WDR49: variants seen among roughly 807,000 people sequenced by gnomAD.
The protein encoded by WDR49 is cilia- and flagella-associated protein 337.
WDR49 carries 107 observed loss-of-function variants against 119.5 expected under a neutral mutation model. That is an observed-to-expected ratio of 0.90 (90% CI 0.77 to 1.05). WDR49 has a LOEUF of 1.05. Ranked by LOEUF, WDR49 falls within the 50% of genes least tolerant of loss-of-function variation. The pLI is 0.00. For synonymous variants in WDR49, 425 were observed against 418.8 expected, an observed-to-expected ratio of 1.01 and a Z score of -0.18; for missense variants, 1,240 against 1,220.5, an observed-to-expected ratio of 1.02 and a Z score of -0.24.
Position 167,597,844 on chromosome 3 carries a change from C to T in WDR49, c.1275+4283G>A, listed in dbSNP as rs78590591. 8.4e-3 allele frequency among the ~76,000 whole-genome samples: 1,281 copies of T among 152,262 alleles called. 18 individuals are homozygous for T. Among genetic ancestry groups the T allele is most frequent in the African/African-American group, 0.029 (1,222 of 41,544 alleles). On this transcript the variant is annotated intron_variant, in intron 7 of 18. Transcript: ENST00000682715. ...GGTAACATTTACTCAATGCCTGTAT[C>T]CCCACTGTATCTTGGAAATAACTAA...
chr3:167,622,885 G>A (rs1044083326), intron 3 of WDR49, among the ~76,000 whole-genome samples: 7 of 151,966 alleles, frequency 4.6e-5, no homozygotes, highest in South Asian at 2.1e-4. Context: ...AAACACAATG[G>A]AATGAAATTA....
At chr3:167,582,031 C>T (rs867902284) in intron 7 of WDR49, among the ~76,000 whole-genome samples, 1 of 142,340 alleles carries the variant, frequency 7.0e-6, no homozygotes, top group African/African-American at 2.6e-5. Flanking sequence ...GGCATGCTTC[C>T]GTGTGTGTGT....
intron 2 of WDR49, among the ~76,000 whole-genome samples, chr3:167,640,944 C>T (rs1336643005): frequency 6.6e-6 from 1 of 151,734 alleles, no homozygotes; most frequent in Non-Finnish European, 1.5e-5. Context: ...TTTCTCACTC[C>T]AACCCATACA....
Position 167,544,451 on chromosome 3 carries a change from A to G in WDR49, c.1824-7451T>C, listed in dbSNP as rs181506562. Among the ~76,000 whole-genome samples, 149 of 151,302 alleles carry G rather than the reference A, an allele frequency of 9.8e-4. 1 individual carries two copies. The highest frequency in any genetic ancestry group is 3.4e-3 in the African/African-American group (143 of 41,460). On this transcript the variant is annotated intron_variant, in intron 10 of 18. Transcript: ENST00000682715. ...TATAGTTACCAAAACAGGATGTTAC[A>G]TAGAGCAGTGGGACATAGACCGGTG...
At chr3:167,564,654 C>G (rs1713480360) in intron 8 of WDR49, among the ~76,000 whole-genome samples, 1 of 152,202 alleles carries the variant, frequency 6.6e-6, no homozygotes, top group South Asian at 2.1e-4. Flanking sequence ...AACAACCACA[C>G]TCCAGGACAC....
At chr3:167,496,128 G>A (rs1202069347) in intron 18 of WDR49, among the ~76,000 whole-genome samples, 1 of 152,064 alleles carries the variant, frequency 6.6e-6, no homozygotes, top group Non-Finnish European at 1.5e-5. Flanking sequence ...ACAAGAAAGA[G>A]CATTGTAACT....
chr3:167,484,274 G>A (rs913896416), intron 18 of WDR49, among the ~76,000 whole-genome samples: 10 of 151,966 alleles, frequency 6.6e-5, no homozygotes, highest in Admixed American at 1.3e-4. Context: ...CAGATAAAAG[G>A]CCTTAACACT....
chr3:167,543,079 C>T (rs1230285847), intron 10 of WDR49, among the ~76,000 whole-genome samples: 1 of 151,734 alleles, frequency 6.6e-6, no homozygotes, highest in Admixed American at 6.6e-5. Context: ...CACAATGCCC[C>T]TTGATTAAAT....
chr3:167,518,192 A>G (rs1266999925), intron 16 of WDR49, among the ~76,000 whole-genome samples: 4 of 151,828 alleles, frequency 2.6e-5, no homozygotes, highest in African/African-American at 9.7e-5. Context: ...CGCAATAAAC[A>G]TACGTGTGCA....
chr3:167,594,062 C>T (rs1438703126), intron 7 of WDR49, among the ~76,000 whole-genome samples: 1 of 152,096 alleles, frequency 6.6e-6, no homozygotes, highest in Non-Finnish European at 1.5e-5. Context: ...TATAAGTTAC[C>T]CAGTCTCAGG....
At chr3:167,631,116 G>C (rs796832859) in intron 2 of WDR49, among the ~76,000 whole-genome samples, 5 of 152,070 alleles carry the variant, frequency 3.3e-5, no homozygotes, top group African/African-American at 9.6e-5. Context: ...GGGCCTGTCA[G>C]GGGGTGGGGA....
At chr3:167,536,158 G>C (rs116343017) in intron 11 of WDR49, among the ~76,000 whole-genome samples, 2,642 of 152,080 alleles carry the variant, frequency 0.017, 77 homozygotes, top group African/African-American at 0.061. Context: ...GTGTTCTATT[G>C]CATAGTAGGA....
chr3:167,572,693 G>A (rs1057035928), intron 8 of WDR49, among the ~76,000 whole-genome samples: 1 of 152,142 alleles, frequency 6.6e-6, no homozygotes, highest in Non-Finnish European at 1.5e-5. Context: ...CAAAAACATA[G>A]GAAGAGAGAG....
intron 5 of WDR49, among the ~76,000 whole-genome samples, chr3:167,614,339 TC>T (rs1366506352): frequency 6.6e-6 from 1 of 152,140 alleles, no homozygotes; most frequent in East Asian, 1.9e-4. Context: ...CCTCAGGTGA[TC>T]CGCCCACCTC....
chr3:167,643,625 A>G (rs1396199402), intron 2 of WDR49, among the ~76,000 whole-genome samples: 1 of 152,076 alleles, frequency 6.6e-6, no homozygotes, highest in Admixed American at 6.6e-5. Context: ...TGTGTACAAA[A>G]ATGGCATTAT....
rs1308991677 is a variant in WDR49 at position 167,550,763 on chromosome 3, GTTTTTT to G, written c.1823+3881_1823+3886del. 2.2e-5 allele frequency among the ~76,000 whole-genome samples: 3 copies of G among 135,742 alleles called. No individual in the cohort carries two copies. In the East Asian group the frequency reaches 6.5e-4, roughly 30 times the overall value. 89.1% of individuals were successfully genotyped at this position (135,742 alleles called of 152,430 possible). ...AAATTAAAATCAGGGGAACTAGGAGGTTTTTTTTTTTTTTTGAGAGAGAGAGAGAGA... is the reference window on the plus strand; with the variant it reads ...AAATTAAAATCAGGGGAACTAGGAGGTTTTTTTTTGAGAGAGAGAGAGAGA... On this transcript the variant is annotated intron_variant, in intron 10 of 18. Coordinates refer to ENST00000682715, the MANE Select transcript of WDR49 (RefSeq NM_001366157.1).
chr3:167,507,944 A>C (rs1751837225), intron 16 of WDR49, among the ~76,000 whole-genome samples: 1 of 150,746 alleles, frequency 6.6e-6, no homozygotes, highest in African/African-American at 2.5e-5. Flanking sequence ...GAAGACAAAG[A>C]AGCAGAATAA....
chr3:167,587,172 T>A (rs1251802881), intron 7 of WDR49, among the ~76,000 whole-genome samples: 1 of 152,114 alleles, frequency 6.6e-6, no homozygotes, highest in Non-Finnish European at 1.5e-5. Context: ...ATTCAACAAA[T>A]AATCTTTACC....
intron 9 of WDR49, among the ~76,000 whole-genome samples, chr3:167,555,729 G>C (rs1047800216): frequency 6.6e-6 from 1 of 152,072 alleles, no homozygotes; most frequent in African/African-American, 2.4e-5. Context: ...GTGGCCAGAG[G>C]TGTGTATTGC....
Sources: allele counts gnomAD v4.1 joint callset (sites outside exome capture counted in the v4.1 genomes callset), GRCh38; gene constraint gnomAD v4.1.1; transcripts MANE v1.5; gene names NCBI Gene and HGNC (gene_info 2026-07-23, HGNC 2026-07-21).